GFRA1: variants seen among roughly 807,000 people sequenced by gnomAD.
GFRA1 encodes GDNF family receptor alpha-1.
In GFRA1, 16 loss-of-function variants were observed where a neutral mutation model predicts 51.6. The ratio of observed to expected loss-of-function variants is 0.31; its 90% confidence interval spans 0.21 to 0.47. The LOEUF is 0.47. Among genes scored for constraint, GFRA1 ranks in the 20% least tolerant of loss-of-function variants. The pLI is 1.00. For synonymous variants in GFRA1, 270 were observed against 241.3 expected (o/e 1.12, Z -1.10); for missense variants, 530 against 594.3 (o/e 0.89, Z 1.13).
At chr10:116,178,979 C>T (rs958605626) in intron 5 of GFRA1, among the ~76,000 whole-genome samples, 11 of 152,126 alleles carry the variant, frequency 7.2e-5, no homozygotes, top group Non-Finnish European at 1.0e-4. Flanking sequence ...CAGGTACCTG[C>T]TACCTGGTTG....
At chr10:116,138,899 C>A (rs538156511) in intron 5 of GFRA1, among the ~76,000 whole-genome samples, 1 of 152,294 alleles carries the variant, frequency 6.6e-6, no homozygotes, top group South Asian at 2.1e-4. Context: ...GGAAGGACGA[C>A]ACCAGTTAGC....
intron 5 of GFRA1, among the ~76,000 whole-genome samples, chr10:116,135,996 C>G (rs963795003): frequency 6.6e-6 from 1 of 151,878 alleles, no homozygotes; most frequent in African/African-American, 2.4e-5. Context: ...GTTATGGATA[C>G]TTTTTTTCCC....
intron 6 of GFRA1, among the ~76,000 whole-genome samples, chr10:116,121,688 G>A (rs978590753): frequency 6.6e-6 from 1 of 152,184 alleles, no homozygotes; most frequent in South Asian, 2.1e-4. Flanking sequence ...GAAAGTGTGA[G>A]CTTTCGAAGA....
intron 5 of GFRA1, among the ~76,000 whole-genome samples, chr10:116,152,230 T>G (rs1183123385): frequency 6.6e-6 from 1 of 152,208 alleles, no homozygotes; most frequent in Non-Finnish European, 1.5e-5. Flanking sequence ...TGATGTAAGA[T>G]GGACCAGAGA....
intron 5 of GFRA1, among the ~76,000 whole-genome samples, chr10:116,135,104 G>A (rs1001165700): frequency 3.9e-5 from 6 of 152,192 alleles, no homozygotes; most frequent in African/African-American, 1.4e-4. Flanking sequence ...TACAGGAGTT[G>A]ATGCTTCAGG....
chr10:116,143,103 T>G (rs1958642039), intron 5 of GFRA1, among the ~76,000 whole-genome samples: 1 of 152,180 alleles, frequency 6.6e-6, no homozygotes. Context: ...AAGAAATGAT[T>G]GTGCCATACA....
At chr10:116,196,718 C>A (rs1448759070) in intron 5 of GFRA1, among the ~76,000 whole-genome samples, 2 of 84,762 alleles carry the variant, frequency 2.4e-5, no homozygotes, top group African/African-American at 5.1e-5. Flanking sequence ...ATATATAGTA[C>A]TATATATAAT....
chr10:116,207,615 G>GAGAT (rs1555168002), intron 5 of GFRA1, among the ~76,000 whole-genome samples: 169 of 98,570 alleles, frequency 1.7e-3, no homozygotes, highest in South Asian at 5.5e-3. Context: ...ATATATGATT[G>GAGAT]ATATATATAT....
intron 4 of GFRA1, among the ~76,000 whole-genome samples, chr10:116,244,581 T>TA (rs1048579379): frequency 4.2e-4 from 63 of 151,036 alleles, no homozygotes; most frequent in Non-Finnish European, 6.8e-4. Flanking sequence ...GTTAAAATTT[T>TA]AAAAATTCAA....
chr10:116,160,784 C>T (rs1408650594), intron 5 of GFRA1, among the ~76,000 whole-genome samples: 1 of 152,202 alleles, frequency 6.6e-6, no homozygotes, highest in East Asian at 1.9e-4. Flanking sequence ...GGCACACAGC[C>T]ATGAATACAT....
At chr10:116,255,965 T>C (rs1444664454) in intron 4 of GFRA1, among the ~76,000 whole-genome samples, 1 of 152,174 alleles carries the variant, frequency 6.6e-6, no homozygotes, top group Admixed American at 6.5e-5. Context: ...TATTCCTGTT[T>C]CATGCTAATA....
chr10:116,114,685 C>G (rs1004450014), intron 6 of GFRA1, among the ~76,000 whole-genome samples: 7 of 151,696 alleles, frequency 4.6e-5, no homozygotes, highest in Admixed American at 6.5e-5. Context: ...AGGCACATAC[C>G]ACCACACCAG....
intron 4 of GFRA1, among the ~76,000 whole-genome samples, chr10:116,243,745 C>A (rs376377306): frequency 6.6e-5 from 10 of 152,182 alleles, no homozygotes; most frequent in African/African-American, 2.4e-4. Flanking sequence ...TCCTGAGAAC[C>A]ACTGTGACAA....
intron 4 of GFRA1, among the ~76,000 whole-genome samples, chr10:116,258,673 G>A (rs4320877): frequency 2.6e-5 from 4 of 151,918 alleles, no homozygotes; most frequent in South Asian, 2.1e-4. Flanking sequence ...AGCCTTCCTG[G>A]ATGAGAATGC....
At chr10:116,231,829 C>A (rs908171009) in intron 4 of GFRA1, among the ~76,000 whole-genome samples, 1 of 152,204 alleles carries the variant, frequency 6.6e-6, no homozygotes, top group African/African-American at 2.4e-5. Flanking sequence ...ACACCTAAAT[C>A]GACCCGGGCA....
intron 5 of GFRA1, 29 bp downstream of exon 5, chr10:116,211,601 GA>G: frequency 2.6e-6 from 4 of 1,544,638 alleles, no homozygotes; most frequent in Non-Finnish European, 3.5e-6. Context: ...CACAGCCAGT[GA>G]AAAAGCAGGC....
At chr10:116,161,695 G>T (rs149528882) in intron 5 of GFRA1, among the ~76,000 whole-genome samples, 1 of 152,256 alleles carries the variant, frequency 6.6e-6, no homozygotes, top group South Asian at 2.1e-4. Flanking sequence ...CTTGCTTGCC[G>T]CCATGGAAGA....
At chr10:116,114,318 C>A (rs1957327443) in intron 6 of GFRA1, among the ~76,000 whole-genome samples, 1 of 152,194 alleles carries the variant, frequency 6.6e-6, no homozygotes. Flanking sequence ...TCACATCTTA[C>A]TGTGTATCTG....
At chr10:116,151,616 A>C (rs1959067113) in intron 5 of GFRA1, among the ~76,000 whole-genome samples, 1 of 152,134 alleles carries the variant, frequency 6.6e-6, no homozygotes, top group African/African-American at 2.4e-5. Flanking sequence ...TAGAGGGAAG[A>C]GGGAGAGCCC....
Sources: gnomAD v4.1 joint callset for allele counts (sites outside exome capture counted in the v4.1 genomes callset) on GRCh38, gnomAD v4.1.1 for gene constraint, MANE v1.5 for transcripts, NCBI Gene and HGNC (gene_info 2026-07-23, HGNC 2026-07-21) for gene names.